ST8SIA5: variants seen among roughly 807,000 people sequenced by gnomAD.
ST8SIA5 encodes the protein ST8 alpha-N-acetyl-neuraminide alpha-2,8-sialyltransferase 5, also known as alpha-2,8-sialyltransferase 8E.
Under a neutral mutation model 40.2 loss-of-function variants are expected in ST8SIA5, and 24 were observed. The ratio of observed to expected loss-of-function variants is 0.60; its 90% CI spans 0.43 to 0.84. The LOEUF (loss-of-function observed/expected upper bound fraction) is 0.84. ST8SIA5 is among the 40% of genes least tolerant of loss of function. The pLI is 0.00. For synonymous variants in ST8SIA5, 198 were observed against 201.8 expected, an observed-to-expected ratio of 0.98 and a Z score of 0.16; for missense variants, 465 against 498.5, an observed-to-expected ratio of 0.93 and a Z score of 0.64.
chr18:46,725,978 T>C (rs866894498), intron 1 of ST8SIA5, among the ~76,000 whole-genome samples: 1 of 35,402 alleles, frequency 2.8e-5, no homozygotes, highest in Admixed American at 3.3e-4. Context: ...AAAAAATATA[T>C]ATATATATAT....
intron 1 of ST8SIA5, among the ~76,000 whole-genome samples, chr18:46,749,277 T>A (rs2040172781): frequency 6.6e-6 from 1 of 152,176 alleles, no homozygotes; most frequent in Non-Finnish European, 1.5e-5. Context: ...AATGAAAATG[T>A]CCTAAAATTG....
chr18:46,693,563 G>T (rs1196492740), intron 2 of ST8SIA5, among the ~76,000 whole-genome samples: 3 of 152,172 alleles, frequency 2.0e-5, no homozygotes, highest in Non-Finnish European at 1.5e-5. Context: ...CCTGCAAAAA[G>T]AACTCATTTT....
At chr18:46,742,112 A>AAAT (rs1555698146) in intron 1 of ST8SIA5, among the ~76,000 whole-genome samples, 2 of 151,886 alleles carry the variant, frequency 1.3e-5, no homozygotes, top group African/African-American at 4.8e-5. Context: ...AAAATAAATA[A>AAAT]ATAAATAAAT....
rs536827677 is a variant in ST8SIA5, at chr18:46,750,164, C to T, written c.131+6214G>A. On this transcript the variant is annotated intron_variant, in intron 1 of 6. Transcript: ENST00000315087. ...AATTATAAAACTCCATTGAAAGACACGGGAAGACATTCAAGGCCCAAGGTT... is the reference window on the plus strand; with the variant it reads ...AATTATAAAACTCCATTGAAAGACATGGGAAGACATTCAAGGCCCAAGGTT... 7.9e-5 allele frequency among the ~76,000 whole-genome samples: 12 copies of T among 152,268 alleles called. No individual in the cohort carries two copies. The South Asian group carries it at 1.0e-3, about 13-fold the overall frequency.
intron 2 of ST8SIA5, among the ~76,000 whole-genome samples, chr18:46,696,675 GT>G (rs961750193): frequency 2.0e-4 from 30 of 152,202 alleles, no homozygotes; most frequent in Non-Finnish European, 4.0e-4. Context: ...TGGAATATGT[GT>G]AAAAAGATTT....
At chr18:46,682,259 G>A (rs1020017719) in intron 5 of ST8SIA5, among the ~76,000 whole-genome samples, 195 bp from the exon 6 acceptor site, 2 of 152,238 alleles carry the variant, frequency 1.3e-5, no homozygotes, top group African/African-American at 4.8e-5. Flanking sequence ...CAGCCAACAG[G>A]CCTTGCTGAA....
chr18:46,726,029 TC>T (rs2039925670), intron 1 of ST8SIA5, among the ~76,000 whole-genome samples: 6 of 96,602 alleles, frequency 6.2e-5, no homozygotes, highest in African/African-American at 2.4e-4. Flanking sequence ...TATATATATA[TC>T]CTGGATATAT....
chr18:46,681,698 G>A (rs1023877142), intron 6 of ST8SIA5, among the ~76,000 whole-genome samples: 18 of 152,196 alleles, frequency 1.2e-4, no homozygotes, highest in Non-Finnish European at 2.1e-4. Flanking sequence ...AACAATGTCC[G>A]AGTAAGCACA....
rs2039343455 is a variant in ST8SIA5 at position 46,676,986 on chromosome 18, T to A, written c.*3056A>T. ...GTAGCCCTGGGCAAGTCATTCGTGT[T>A]GTCACTTAACATGTGCTATCTCTGG... On this transcript the variant is annotated 3_prime_UTR_variant, in exon 7 of 7. Coordinates refer to ENST00000315087, the MANE Select transcript of ST8SIA5 (RefSeq NM_013305.6). The A allele has an allele frequency of 1.3e-5, 2 of 152,222 alleles. No homozygotes were observed. The highest frequency in any genetic ancestry group is 4.1e-4 in the South Asian group (2 of 4,830). The allele number at this position is 152,222 out of a possible 1,614,324, so 9.4% of individuals were successfully genotyped here.
At chr18:46,746,273 A>T (rs896057464) in intron 1 of ST8SIA5, among the ~76,000 whole-genome samples, 1 of 152,218 alleles carries the variant, frequency 6.6e-6, no homozygotes, top group Admixed American at 6.5e-5. Context: ...GAGGAAATCA[A>T]ATTGTCCCGG....
chr18:46,696,672 T>C (rs1393806492), intron 2 of ST8SIA5, among the ~76,000 whole-genome samples: 2 of 152,218 alleles, frequency 1.3e-5, no homozygotes, highest in African/African-American at 4.8e-5. Flanking sequence ...AAATGGAATA[T>C]GTGTAAAAAG....
chr18:46,691,507 T>C (rs903569709), intron 3 of ST8SIA5: 3 of 152,500 alleles, frequency 2.0e-5, no homozygotes, highest in Non-Finnish European at 4.4e-5. Flanking sequence ...CTACCTGCAC[T>C]AAAATAATCC....
intron 1 of ST8SIA5, among the ~76,000 whole-genome samples, chr18:46,718,063 T>C (rs918823765): frequency 3.9e-5 from 6 of 152,184 alleles, no homozygotes; most frequent in Non-Finnish European, 8.8e-5. Flanking sequence ...GTGCTGTGGC[T>C]CACGCCTGTA....
At chr18:46,717,683 C>G (rs2039806631) in intron 1 of ST8SIA5, among the ~76,000 whole-genome samples, 1 of 152,104 alleles carries the variant, frequency 6.6e-6, no homozygotes, top group Non-Finnish European at 1.5e-5. Flanking sequence ...GTTTCTGATT[C>G]TAATGTGTTT....
chr18:46,736,808 C>A (rs77513709), intron 1 of ST8SIA5, among the ~76,000 whole-genome samples: 1 of 152,006 alleles, frequency 6.6e-6, no homozygotes, highest in East Asian at 1.9e-4. Flanking sequence ...GGACACCCCC[C>A]GCTGACCCAG....
Position 46,737,088 on chromosome 18 carries a change from C to G in ST8SIA5, c.131+19290G>C, listed in dbSNP as rs376343921. 1.9e-4 allele frequency among the ~76,000 whole-genome samples: 29 copies of G among 152,330 alleles called. No homozygotes were observed. The South Asian group carries it at 6.0e-3, about 32-fold the overall frequency. On this transcript the variant is annotated intron_variant, in intron 1 of 6. Coordinates refer to ENST00000315087, the MANE Select transcript of ST8SIA5 (RefSeq NM_013305.6). ...GCTAAACAGAGACCAGACAGGCCGT[C>G]AGTCAGCTTCACAGAGCTATGGTGT...
At chr18:46,732,247 T>A (rs1210459619) in intron 1 of ST8SIA5, among the ~76,000 whole-genome samples, 1 of 152,026 alleles carries the variant, frequency 6.6e-6, no homozygotes, top group East Asian at 1.9e-4. Context: ...AGAGGTAGAG[T>A]GCACCATCAG....
chr18:46,696,078 C>T (rs1283941954), intron 2 of ST8SIA5, among the ~76,000 whole-genome samples: 2 of 152,222 alleles, frequency 1.3e-5, no homozygotes, highest in Non-Finnish European at 2.9e-5. Context: ...GAGAACCTTG[C>T]ACAGAGACCT....
chr18:46,696,360 C>G (rs2039556891), intron 2 of ST8SIA5, among the ~76,000 whole-genome samples: 2 of 152,174 alleles, frequency 1.3e-5, no homozygotes, highest in Admixed American at 1.3e-4. Context: ...GAGCAGCCCC[C>G]TATATGGCCA....
Sources: gnomAD v4.1 joint callset for allele counts (sites outside exome capture counted in the v4.1 genomes callset) on GRCh38, gnomAD v4.1.1 for gene constraint, MANE v1.5 for transcripts, NCBI Gene and HGNC (gene_info 2026-07-23, HGNC 2026-07-21) for gene names.